Variants in TFPI observed in about 807,000 individuals in gnomAD.
TFPI encodes tissue factor pathway inhibitor.
TFPI carries 15 observed loss-of-function variants against 34.6 expected under a neutral mutation model. That is an observed-to-expected ratio of 0.43 (90% CI 0.29 to 0.67). The LOEUF (loss-of-function observed/expected upper bound fraction) is 0.67, where lower values mean the gene tolerates loss of function less well. TFPI is among the 30% of genes least tolerant of loss of function. TFPI has a pLI of 0.15. For missense variants in TFPI, 301 were observed against 364.0 expected (o/e 0.83, Z 1.41); for synonymous variants, 105 against 120.1 (o/e 0.87, Z 0.82).
intron 1 of TFPI, among the ~76,000 whole-genome samples, chr2:187,545,838 T>C (rs1171805412): frequency 6.6e-6 from 1 of 152,064 alleles, no homozygotes; most frequent in African/African-American, 2.4e-5. Flanking sequence ...ACAAAATCAT[T>C]TTTGGTGTTT....
At chr2:187,508,706 C>T (rs10172935) in intron 1 of TFPI, among the ~76,000 whole-genome samples, 61,469 of 151,964 alleles carry the variant, frequency 0.4, 14,098 homozygotes, top group African/African-American at 0.63. Context: ...GCTGAGAAGA[C>T]TGGTTTTTTA....
At chr2:187,487,635 T>C (rs1199866223) in intron 4 of TFPI, among the ~76,000 whole-genome samples, 2 of 151,450 alleles carry the variant, frequency 1.3e-5, no homozygotes, top group Non-Finnish European at 3.0e-5. Flanking sequence ...TCCAGGCCTT[T>C]ATTAAAAGGA....
chr2:187,534,997 T>C (rs1229165975), intron 1 of TFPI, among the ~76,000 whole-genome samples: 1 of 152,008 alleles, frequency 6.6e-6, no homozygotes, highest in African/African-American at 2.4e-5. Context: ...AAGATGGGCA[T>C]TACATAATGG....
intron 1 of TFPI, among the ~76,000 whole-genome samples, chr2:187,544,982 T>G (rs1260639006): frequency 6.6e-6 from 1 of 151,916 alleles, no homozygotes; most frequent in Non-Finnish European, 1.5e-5. Context: ...GGTTGTGGTG[T>G]GCGCCTGTAA....
intron 6 of TFPI, among the ~76,000 whole-genome samples, chr2:187,471,937 C>T (rs898881044): frequency 9.9e-5 from 15 of 151,718 alleles, no homozygotes; most frequent in Non-Finnish European, 1.8e-4. Flanking sequence ...TCTTCTAAGA[C>T]TTTTTAGGGA....
intron 6 of TFPI, among the ~76,000 whole-genome samples, chr2:187,476,681 A>AT (rs148277153): frequency 0.014 from 2,173 of 152,208 alleles, 17 homozygotes; most frequent in Non-Finnish European, 0.023. Flanking sequence ...TTCTGCAAAG[A>AT]TTTTCCATTA....
In TFPI at chr2:187,467,935, A is replaced by G. The variant is rs1158919264; in HGVS notation, c.629-3T>C. 1 of 1,564,514 alleles carries G rather than the reference A, an allele frequency of 6.4e-7. No individual in the cohort carries two copies. The highest frequency in any genetic ancestry group is 2.0e-5 in the Admixed American group (1 of 50,824). On this transcript the variant is annotated splice_polypyrimidine_tract_variant and splice_region_variant and intron_variant, in intron 6 of 7. Coordinates refer to ENST00000233156, the MANE Select transcript of TFPI (RefSeq NM_006287.6). ...ACACCATGAGGGACCGTGAAATTCT[A>G]AAAACAATCAGGAAAACATGGTAAG...
chr2:187,549,117 T>G (rs1437366351), intron 1 of TFPI, among the ~76,000 whole-genome samples: 1 of 152,094 alleles, frequency 6.6e-6, no homozygotes, highest in Admixed American at 6.6e-5. Context: ...AAATGAGACA[T>G]ATAAGATCTT....
intron 1 of TFPI, among the ~76,000 whole-genome samples, chr2:187,537,037 A>G (rs868507020): frequency 2.1e-4 from 32 of 152,286 alleles, no homozygotes; most frequent in African/African-American, 7.2e-4. Flanking sequence ...AGAGATGTGA[A>G]GGACCTCTTC....
intron 1 of TFPI, among the ~76,000 whole-genome samples, chr2:187,531,796 T>C (rs1317214684): frequency 6.6e-6 from 1 of 152,176 alleles, no homozygotes; most frequent in East Asian, 1.9e-4. Flanking sequence ...TATTTGATAT[T>C]ATTAAAATTG....
chr2:187,522,171 A>C (rs13396430), intron 1 of TFPI, among the ~76,000 whole-genome samples: 1 of 151,970 alleles, frequency 6.6e-6, no homozygotes, highest in African/African-American at 2.4e-5. Flanking sequence ...TTGTCTTTTT[A>C]TTCTGTTGAT....
chr2:187,474,634 G>A (rs1692254550), intron 6 of TFPI, among the ~76,000 whole-genome samples: 1 of 152,138 alleles, frequency 6.6e-6, no homozygotes, highest in African/African-American at 2.4e-5. Flanking sequence ...CACAACCGAA[G>A]CAGTTACCAT....
intron 1 of TFPI, among the ~76,000 whole-genome samples, chr2:187,506,730 G>A (rs1348211449): frequency 6.6e-6 from 1 of 151,952 alleles, no homozygotes; most frequent in Non-Finnish European, 1.5e-5. Flanking sequence ...CAGGGTTATG[G>A]GGTTTGGGAA....
chr2:187,505,267 TGAGA>T (rs1415023601), intron 1 of TFPI, among the ~76,000 whole-genome samples: 1 of 152,082 alleles, frequency 6.6e-6, no homozygotes, highest in Admixed American at 6.6e-5. Flanking sequence ...CTGAAGCCCT[TGAGA>T]GAGAGGGCTC....
chr2:187,547,988 G>A (rs1688957788), intron 1 of TFPI, among the ~76,000 whole-genome samples: 1 of 151,996 alleles, frequency 6.6e-6, no homozygotes, highest in Non-Finnish European at 1.5e-5. Context: ...CTTTATAAGT[G>A]ATTTAAAATT....
At chr2:187,528,569 A>T (rs1171649816) in intron 1 of TFPI, among the ~76,000 whole-genome samples, 1 of 152,184 alleles carries the variant, frequency 6.6e-6, no homozygotes, top group African/African-American at 2.4e-5. Context: ...TGCTCTGTAG[A>T]TGCCATTTTA....
At chr2:187,494,959 G>A (rs773459176) in intron 3 of TFPI, among the ~76,000 whole-genome samples, 1 of 152,068 alleles carries the variant, frequency 6.6e-6, no homozygotes, top group African/African-American at 2.4e-5. Flanking sequence ...CTGACCTTAG[G>A]TGATCCACCC....
At chr2:187,523,299 C>T (rs1687505070) in intron 1 of TFPI, among the ~76,000 whole-genome samples, 1 of 152,092 alleles carries the variant, frequency 6.6e-6, no homozygotes, top group East Asian at 1.9e-4. Flanking sequence ...TCACTATCCA[C>T]CAACTCTTTA....
chr2:187,549,486 A>AT (rs1348155609), intron 1 of TFPI, among the ~76,000 whole-genome samples: 4 of 152,132 alleles, frequency 2.6e-5, no homozygotes, highest in Non-Finnish European at 5.9e-5. Context: ...CACTTGATTG[A>AT]TTTTAAGCAT....
Sources: allele counts gnomAD v4.1 joint callset (sites outside exome capture counted in the v4.1 genomes callset), GRCh38; gene constraint gnomAD v4.1.1; transcripts MANE v1.5; gene names NCBI Gene and HGNC (gene_info 2026-07-23, HGNC 2026-07-21).